Variants in KIF5C observed in about 807,000 individuals in gnomAD.
The protein encoded by KIF5C is kinesin family member 5C.
KIF5C carries 18 observed loss-of-function variants against 125.2 expected under a neutral mutation model. That is an observed-to-expected ratio of 0.14 (90% CI 0.10 to 0.21). The LOEUF is 0.21. Among genes scored for constraint, KIF5C ranks in the 10% least tolerant of loss-of-function variants. KIF5C has a pLI of 1.00. For missense variants in KIF5C, 780 were observed against 1,183.8 expected (o/e 0.66, Z 5.01); for synonymous variants, 405 against 434.0 (o/e 0.93, Z 0.83).
intron 25 of KIF5C, among the ~76,000 whole-genome samples, chr2:149,021,342 A>G (rs2105215421): frequency 6.6e-6 from 1 of 151,978 alleles, no homozygotes; most frequent in East Asian, 1.9e-4. Context: ...TGCTGGGATT[A>G]TAGGCATCAG....
At chr2:148,963,844 TCCATC>T in intron 11 of KIF5C, among the ~76,000 whole-genome samples, 1 of 152,286 alleles carries the variant, frequency 6.6e-6, no homozygotes, top group South Asian at 2.1e-4. Context: ...CTTGCAGTTC[TCCATC>T]CCTCATCAAA....
intron 22 of KIF5C, among the ~76,000 whole-genome samples, chr2:149,007,429 G>A (rs1412431952): frequency 2.6e-5 from 4 of 152,162 alleles, no homozygotes; most frequent in African/African-American, 9.7e-5. Flanking sequence ...GCACCCGGAT[G>A]CTATGATTAA....
intron 1 of KIF5C, among the ~76,000 whole-genome samples, chr2:148,921,438 G>A (rs1039930844): frequency 6.6e-6 from 1 of 152,182 alleles, no homozygotes; most frequent in African/African-American, 2.4e-5. Flanking sequence ...AAATCTGTTT[G>A]TCCCATCTTC....
At chr2:148,927,933 AT>A (rs1460385850) in intron 2 of KIF5C, among the ~76,000 whole-genome samples, 1 of 151,844 alleles carries the variant, frequency 6.6e-6, no homozygotes, top group Admixed American at 6.6e-5. Flanking sequence ...AACCCCCAAT[AT>A]AGCTTGATAC....
At chr2:148,940,515 G>C (rs1202257565) in intron 4 of KIF5C, among the ~76,000 whole-genome samples, 1 of 152,222 alleles carries the variant, frequency 6.6e-6, no homozygotes, top group Admixed American at 6.5e-5. Flanking sequence ...GGCTGAGTCA[G>C]AGCTGGGACC....
At chr2:148,904,222 A>C (rs1681013538) in intron 1 of KIF5C, among the ~76,000 whole-genome samples, 1 of 152,186 alleles carries the variant, frequency 6.6e-6, no homozygotes, top group Admixed American at 6.5e-5. Flanking sequence ...GCAGCAGGCT[A>C]TTATTTTGAG....
intron 11 of KIF5C, among the ~76,000 whole-genome samples, chr2:148,966,970 A>T (rs1680744891): frequency 6.6e-6 from 1 of 152,186 alleles, no homozygotes; most frequent in African/African-American, 2.4e-5. Flanking sequence ...TAAGCCACCC[A>T]GTCTATGGTA....
intron 12 of KIF5C, among the ~76,000 whole-genome samples, chr2:148,974,632 C>A (rs188706224): frequency 1.3e-5 from 2 of 152,270 alleles, no homozygotes; most frequent in African/African-American, 4.8e-5. Flanking sequence ...CCATTTCTAT[C>A]TATGTATTTT....
intron 1 of KIF5C, chr2:148,884,155 TA>T (rs1363215618): frequency 1.3e-5 from 2 of 152,236 alleles, no homozygotes; most frequent in Non-Finnish European, 2.9e-5. Context: ...ACTTTTAATG[TA>T]AACCATAGGA....
chr2:148,904,937 A>C (rs1018162490), intron 1 of KIF5C, among the ~76,000 whole-genome samples: 4 of 152,202 alleles, frequency 2.6e-5, no homozygotes, highest in African/African-American at 9.6e-5. Context: ...TCTACCAAAG[A>C]CAAAGCTTCA....
At chr2:148,887,223 A>T (rs1460703675) in intron 1 of KIF5C, among the ~76,000 whole-genome samples, 1 of 152,240 alleles carries the variant, frequency 6.6e-6, no homozygotes, top group Non-Finnish European at 1.5e-5. Context: ...AGTTATTAAT[A>T]AAATGAATTT....
chr2:148,937,544 A>G (rs1344226536), intron 4 of KIF5C, among the ~76,000 whole-genome samples, 156 bp downstream of exon 4: 1 of 152,224 alleles, frequency 6.6e-6, no homozygotes, highest in East Asian at 1.9e-4. Flanking sequence ...CTAGGCTAAC[A>G]GGTGTCTGGA....
chr2:148,936,941 C>G (rs944656217), intron 3 of KIF5C, among the ~76,000 whole-genome samples: 7 of 152,188 alleles, frequency 4.6e-5, no homozygotes, highest in African/African-American at 1.7e-4. Context: ...CATATATTCT[C>G]GTTCCTTCTC....
chr2:148,955,667 C>T (rs990166841), intron 10 of KIF5C, among the ~76,000 whole-genome samples: 3 of 151,880 alleles, frequency 2.0e-5, no homozygotes, highest in Admixed American at 6.6e-5. Flanking sequence ...ATTTATCTAT[C>T]ATCTGTCTTT....
chr2:148,903,029 T>C (rs1045628584), intron 1 of KIF5C, among the ~76,000 whole-genome samples: 2 of 152,088 alleles, frequency 1.3e-5, no homozygotes, highest in African/African-American at 4.8e-5. Flanking sequence ...AAGGCTGCCC[T>C]TGAGCTGTAC....
At chr2:149,020,687 C>G (rs1337892854) in intron 25 of KIF5C, among the ~76,000 whole-genome samples, 3 of 152,190 alleles carry the variant, frequency 2.0e-5, no homozygotes, top group Non-Finnish European at 4.4e-5. Context: ...TCTCATCCGA[C>G]CAAGGGGATC....
At chr2:148,936,423 G>A (rs1374462123) in intron 3 of KIF5C, among the ~76,000 whole-genome samples, 4 of 152,168 alleles carry the variant, frequency 2.6e-5, no homozygotes, top group African/African-American at 4.8e-5. Flanking sequence ...CTTATTTGAC[G>A]GTGGGCTTAG....
chr2:148,892,877 A>G (rs1274264928), intron 1 of KIF5C, among the ~76,000 whole-genome samples: 1 of 152,262 alleles, frequency 6.6e-6, no homozygotes, highest in African/African-American at 2.4e-5. Flanking sequence ...AATTTTCAGT[A>G]GATTTTGAAA....
intron 12 of KIF5C, among the ~76,000 whole-genome samples, chr2:148,977,812 T>C (rs1313828278): frequency 6.6e-6 from 1 of 152,224 alleles, no homozygotes; most frequent in Non-Finnish European, 1.5e-5. Context: ...TTCAAATGTA[T>C]GCATAGATAT....
Sources: allele counts gnomAD v4.1 joint callset (sites outside exome capture counted in the v4.1 genomes callset), GRCh38; gene constraint gnomAD v4.1.1; transcripts MANE v1.5; gene names NCBI Gene and HGNC (gene_info 2026-07-23, HGNC 2026-07-21).